Variants in ZNF449 observed in about 807,000 individuals in gnomAD.
ZNF449 encodes zinc finger and SCAN domain-containing protein 19.
In ZNF449, 4 loss-of-function variants were observed where a neutral mutation model predicts 32.6. The ratio of observed to expected loss-of-function variants is 0.12; its 90% CI spans 0.06 to 0.28. The LOEUF is 0.28. Among genes scored for constraint, ZNF449 ranks in the 10% least tolerant of loss-of-function variants. ZNF449 has a pLI of 1.00. For synonymous variants in ZNF449, 123 were observed against 132.2 expected (o/e 0.93, Z 0.48); for missense variants, 275 against 383.2 (o/e 0.72, Z 2.36).
chrX:135,354,335 C>T (rs1265179084), intron 3 of ZNF449, among the ~76,000 whole-genome samples: 1 of 112,007 alleles, frequency 8.9e-6, no homozygotes, highest in Non-Finnish European at 1.9e-5. Flanking sequence ...TTTTATTCAG[C>T]ATTGGTGGTG....
At chrX:135,348,794 C>T (rs2084866232) in intron 2 of ZNF449, 1 of 1,025,267 alleles carries the variant, frequency 9.8e-7, no homozygotes, top group Admixed American at 3.0e-5. Flanking sequence ...TCATGTACAG[C>T]TCTTGAGCCC....
intron 3 of ZNF449, among the ~76,000 whole-genome samples, chrX:135,357,124 A>C (rs2084922393): frequency 9.0e-6 from 1 of 111,688 alleles, no homozygotes; most frequent in Non-Finnish European, 1.9e-5. Context: ...GTAGCCCAAA[A>C]TATTTTTTTA....
intron 1 of ZNF449, among the ~76,000 whole-genome samples, chrX:135,346,316 C>T (rs1292900965): frequency 9.0e-6 from 1 of 111,719 alleles, no homozygotes; most frequent in African/African-American, 3.3e-5. Flanking sequence ...CATGGGGTTA[C>T]TGGGGGAATT....
chrX:135,352,976 C>A (rs1266858906), intron 3 of ZNF449, among the ~76,000 whole-genome samples: 3 of 111,678 alleles, frequency 2.7e-5, no homozygotes, highest in African/African-American at 9.8e-5. Flanking sequence ...CGAAACTTAG[C>A]AGCTTAAAGG....
Position 135,362,750 on chromosome X carries a change from G to C in ZNF449, c.*1674G>C, listed in dbSNP as rs1357203015. 2 of 111,962 alleles carry C rather than the reference G, an allele frequency of 1.8e-5. No individual in the cohort carries two copies. Among genetic ancestry groups the C allele is most frequent in the Non-Finnish European group, 1.9e-5 (1 of 53,147 alleles). The allele number at this position is 111,962 out of a possible 1,213,427, so 9.2% of individuals were successfully genotyped here. ...TAGTCCTGTTCTAGGCTTAGTGGAA[G>C]CTAGTAAAGAAATATAATTCATGGA... is the stretch of plus-strand genomic sequence containing the variant. On this transcript the variant is annotated 3_prime_UTR_variant, in exon 5 of 5. Coordinates refer to ENST00000339249, the MANE Select transcript of ZNF449 (RefSeq NM_152695.6).
In ZNF449 at chrX:135,357,072, C is replaced by T. The variant is rs781995831; in HGVS notation, c.560-2820C>T. ...CATATGATTTGCCGGTATTTTCTCCCGTTCTGTAGGCCATCTTTTCACTTT... is the reference window on the plus strand; with the variant it reads ...CATATGATTTGCCGGTATTTTCTCCTGTTCTGTAGGCCATCTTTTCACTTT... On this transcript the variant is annotated intron_variant, in intron 3 of 4. Coordinates refer to ENST00000339249, the MANE Select transcript of ZNF449 (RefSeq NM_152695.6). Among the ~76,000 whole-genome samples the T allele has an allele frequency of 1.7e-4, 19 of 111,711 alleles. No homozygotes were observed. The South Asian group carries it at 5.9e-3, about 35-fold the overall frequency.
intron 2 of ZNF449, chrX:135,347,702 C>A: frequency 1.9e-6 from 2 of 1,040,553 alleles, no homozygotes; most frequent in Non-Finnish European, 2.5e-6. Flanking sequence ...TTACTATGCA[C>A]AAATGAAATT....
intron 3 of ZNF449, among the ~76,000 whole-genome samples, chrX:135,353,930 T>A (rs2084901978): frequency 8.9e-6 from 1 of 111,927 alleles, no homozygotes; most frequent in Non-Finnish European, 1.9e-5. Context: ...CCAATAATAG[T>A]TGCTTTACAG....
In ZNF449 at chrX:135,347,243, C is replaced by A; in HGVS notation, c.125C>A (p.Ala42Asp). 8.2e-7 allele frequency: 1 copy of A among 1,212,244 alleles called. No homozygotes were observed. The highest frequency in any genetic ancestry group is 3.0e-5 in the East Asian group (1 of 33,860). The part of the protein sequence containing the change: ...RFRQFQYREA[A>D]GPHEAFNKLW... Reference sequence around the variant, plus strand: ...AGGCAGTTCCAGTACAGAGAAGCAGCTGGGCCTCATGAAGCATTTAACAAA... The same window carrying A: ...AGGCAGTTCCAGTACAGAGAAGCAGATGGGCCTCATGAAGCATTTAACAAA... Residue 42 changes from alanine to aspartate, a missense_variant, in exon 2 of 5, where the codon GCT becomes GAT. Transcript: ENST00000339249.
rs1556453092 is a variant in ZNF449 at position 135,360,281 on chromosome X, G to T, written c.762G>T (p.Gly254=). The T allele has an allele frequency of 1.7e-6, 2 of 1,210,161 alleles. No individual in the cohort carries two copies. Residue 254 remains glycine (G), a synonymous_variant, in exon 5 of 5, where the codon GGG becomes GGT. Transcript: ENST00000339249. ...TMYPFIVTLE[G]NALQGPILQK... is the part of the protein sequence containing the mutation. ...ATCCATTTATTGTAACTTTAGAGGG[G>T]AATGCTCTCCAGGGTCCCATTTTGC...
rs1164999977 is a variant in ZNF449 at position 135,360,108 on chromosome X, T to C, written c.674-85T>C. 2.8e-6 allele frequency: 3 copies of C among 1,084,363 alleles called. No individual in the cohort carries two copies. The East Asian group carries it at 9.1e-5, about 33-fold the overall frequency. 89.4% of individuals were successfully genotyped at this position (1,084,363 alleles called of 1,213,427 possible). A position where few individuals can be genotyped will look rare whatever the true frequency, so the allele number is the denominator to read the frequency against. ...TTAGGAATTTCTATGTTCCTGCCAC[T>C]GGTTTAACATAACTCTTCATTTTCC... On this transcript the variant is annotated intron_variant, in intron 4 of 4. Transcript: ENST00000339249.
At chrX:135,360,121 C>G in intron 4 of ZNF449, 72 bp from the exon 5 acceptor site, 1 of 1,107,386 alleles carries the variant, frequency 9.0e-7, no homozygotes. Context: ...TTTAACATAA[C>G]TCTTCATTTT....
rs1556453542 is a variant in ZNF449, at chrX:135,360,720, C to G, written c.1201C>G (p.His401Asp). 1 of 1,209,175 alleles carries G rather than the reference C, an allele frequency of 8.3e-7. No homozygotes were observed. Residue 401 changes from histidine (H) to aspartate (D), a missense_variant, in exon 5 of 5, where the codon CAT becomes GAT. His to Asp is a moderately conservative substitution (Grantham distance 81, BLOSUM62 -1). This residue lies in a region of ZNF449 where 80 missense variants were observed against 146.6 expected (regional missense o/e 0.55). Coordinates refer to ENST00000339249, the MANE Select transcript of ZNF449 (RefSeq NM_152695.6). Reference protein sequence around the residue: ...RSHLIGHQRTHSEEETYKCLE... With the variant: ...RSHLIGHQRTDSEEETYKCLE... ...ACATCTTATAGGGCACCAGAGAACC[C>G]ATTCTGAAGAAGAAACATATAAATG...
At chrX:135,354,123 T>C (rs782152673) in intron 3 of ZNF449, among the ~76,000 whole-genome samples, 1 of 112,466 alleles carries the variant, frequency 8.9e-6, no homozygotes, top group South Asian at 3.7e-4. Context: ...GATTGATTAA[T>C]GGGCATTTAA....
intron 2 of ZNF449, chrX:135,348,137 TGTTG>T: frequency 7.8e-6 from 1 of 128,197 alleles, no homozygotes; most frequent in Admixed American, 8.7e-5. Flanking sequence ...CTACGAACAG[TGTTG>T]CTCCTCGTCA....
At position 135,348,911 on chromosome X, in the gene ZNF449, G is replaced by A. The variant is rs890010666; in HGVS notation, c.355-199G>A. The A allele has an allele frequency of 4.3e-6, 4 of 920,820 alleles. No homozygotes were observed. In the African/African-American group the frequency reaches 6.0e-5, roughly 14 times the overall value. The allele number at this position is 920,820 out of a possible 1,213,427, so 75.9% of individuals were successfully genotyped here. A position where few individuals can be genotyped will look rare whatever the true frequency, so the allele number is the denominator to read the frequency against. The stretch of plus-strand genomic sequence containing the variant: ...TAGGTGAAATATCTCACTAATAATT[G>A]TTCATATTGATTACATGTTGAAATC... On this transcript the variant is annotated intron_variant, in intron 2 of 4. Coordinates refer to ENST00000339249, the MANE Select transcript of ZNF449 (RefSeq NM_152695.6).
At chrX:135,352,792 A>G (rs1320764129) in intron 3 of ZNF449, among the ~76,000 whole-genome samples, 2 of 111,954 alleles carry the variant, frequency 1.8e-5, no homozygotes, top group Non-Finnish European at 3.8e-5. Flanking sequence ...TATAGTAATG[A>G]CATTTCTTGG....
chrX:135,360,284 T>G lies in ZNF449; in HGVS notation c.765T>G (p.Asn255Lys), dbSNP rs1326867668. 2 of 1,208,228 alleles carry G rather than the reference T, an allele frequency of 1.7e-6. No homozygotes were observed. The highest frequency in any genetic ancestry group is 2.2e-6 in the Non-Finnish European group (2 of 894,569). The change falls in exon 5 of 5, where the codon AAT becomes AAG. Residue 255 changes from asparagine (N) to lysine (K), a missense_variant. Physicochemically the swap from Asn to Lys is moderately conservative, Grantham distance 94. This residue lies in a region of ZNF449 where 165 missense variants were observed against 175.0 expected (regional missense o/e 0.94). Coordinates refer to ENST00000339249, the MANE Select transcript of ZNF449 (RefSeq NM_152695.6). ...MYPFIVTLEG[N>K]ALQGPILQKD... ...CATTTATTGTAACTTTAGAGGGGAA[T>G]GCTCTCCAGGGTCCCATTTTGCAAA...
At position 135,347,050 on chromosome X, in the gene ZNF449, T is replaced by G. The variant is rs782735848; in HGVS notation, c.-69T>G. ...GTGGCTCCCTCCCACCCCAACGATT[T>G]CAGAGAGAAACAAGTCGGAATCTGA... On this transcript the variant is annotated 5_prime_UTR_variant, in exon 2 of 5. Transcript: ENST00000339249. The G allele has an allele frequency of 5.5e-6, 6 of 1,092,440 alleles. No homozygotes were observed. The highest frequency in any genetic ancestry group is 7.4e-6 in the Non-Finnish European group (6 of 815,358). The allele number at this position is 1,092,440 out of a possible 1,213,427, so 90.0% of individuals were successfully genotyped here.
Sources: allele counts gnomAD v4.1 joint callset (sites outside exome capture counted in the v4.1 genomes callset), GRCh38; gene constraint gnomAD v4.1.1; regional missense constraint gnomAD v4.1.1; transcripts MANE v1.5; gene names NCBI Gene and HGNC (gene_info 2026-07-23, HGNC 2026-07-21).